Variants in ADAMTS17 observed in about 807,000 individuals in gnomAD.
The protein encoded by ADAMTS17 is A disintegrin and metalloproteinase with thrombospondin motifs 17.
ADAMTS17 carries 113 observed loss-of-function variants against 141.5 expected under a neutral mutation model. The ratio of observed to expected loss-of-function variants is 0.80; its 90% confidence interval spans 0.69 to 0.93. The LOEUF (loss-of-function observed/expected upper bound fraction) is 0.93. Among genes scored for constraint, ADAMTS17 ranks in the 40% least tolerant of loss-of-function variants. The probability of loss-of-function intolerance (pLI) is 0.00; values close to 1 mark genes in which losing one functional copy is unlikely to be tolerated. For missense variants in ADAMTS17, 1,659 were observed against 1,517.9 expected (o/e 1.09, Z -1.54); for synonymous variants, 768 against 630.6 (o/e 1.22, Z -3.27).
intron 7 of ADAMTS17, among the ~76,000 whole-genome samples, chr15:100,233,126 C>A (rs1268385155): frequency 6.6e-6 from 1 of 152,114 alleles, no homozygotes; most frequent in Non-Finnish European, 1.5e-5. Context: ...GTCAGGAGCT[C>A]CAGACTAGTC....
At chr15:100,109,173 G>A in intron 13 of ADAMTS17, 57 bp from the exon 14 acceptor site, 2 of 1,560,446 alleles carry the variant, frequency 1.3e-6, no homozygotes, top group Non-Finnish European at 1.7e-6. Context: ...GGGCCATGCA[G>A]GGCACAGGTA....
Position 100,223,018 on chromosome 15 carries a change from C to T in ADAMTS17, c.1076-23595G>A, listed in dbSNP as rs76970426. Among the ~76,000 whole-genome samples, 53 of 152,332 alleles carry T rather than the reference C, an allele frequency of 3.5e-4. No homozygotes were observed. In the East Asian group the frequency reaches 8.3e-3, roughly 24 times the overall value. On this transcript the variant is annotated intron_variant, in intron 7 of 21. Coordinates refer to ENST00000268070, the MANE Select transcript of ADAMTS17 (RefSeq NM_139057.4). ...ACATTTCTTCCCTTGAAACACTCAG[C>T]GCTCTCACCCTATTTTCCATTTTCC... is the stretch of plus-strand genomic sequence containing the variant.
chr15:100,331,064 AAGG>A lies in ADAMTS17; in HGVS notation c.451-13_451-11del, dbSNP rs1437138530. 1.2e-6 allele frequency: 2 copies of A among 1,614,114 alleles called. No individual in the cohort carries two copies. The highest frequency in any genetic ancestry group is 8.5e-7 in the Non-Finnish European group (1 of 1,180,008). ...GCTGAATGAGGCCAACCTGTCCAGA[AAGG>A]AGAAGGAAACGCGATGTCGGTCATC... is the stretch of plus-strand genomic sequence containing the variant. On this transcript the variant is annotated splice_polypyrimidine_tract_variant and intron_variant, in intron 2 of 21. Coordinates refer to ENST00000268070, the MANE Select transcript of ADAMTS17 (RefSeq NM_139057.4).
intron 3 of ADAMTS17, among the ~76,000 whole-genome samples, chr15:100,302,696 G>C (rs2141822615): frequency 6.6e-6 from 1 of 152,304 alleles, no homozygotes; most frequent in East Asian, 1.9e-4. Flanking sequence ...ACCTTCTTTA[G>C]AGAACTATCT....
chr15:100,030,373 A>G (rs2030023386), intron 18 of ADAMTS17, among the ~76,000 whole-genome samples: 11 of 152,188 alleles, frequency 7.2e-5, no homozygotes, highest in Admixed American at 6.5e-4. Flanking sequence ...CTTCAGTGGT[A>G]TTTAAACCCA....
intron 15 of ADAMTS17, among the ~76,000 whole-genome samples, chr15:100,085,399 A>G (rs199918411): frequency 0.17 from 17,830 of 107,192 alleles, 2,640 homozygotes; most frequent in East Asian, 0.41. Flanking sequence ...GGAGAACGCA[A>G]CCAAGTTGGA....
intron 8 of ADAMTS17, among the ~76,000 whole-genome samples, chr15:100,198,076 G>A (rs762880838): frequency 6.6e-5 from 10 of 152,138 alleles, no homozygotes; most frequent in Admixed American, 2.0e-4. Context: ...TAATGTAGGC[G>A]ACAGGTTGAT....
intron 12 of ADAMTS17, among the ~76,000 whole-genome samples, chr15:100,122,797 C>A (rs2037515296): frequency 1.3e-5 from 2 of 152,150 alleles, no homozygotes; most frequent in Non-Finnish European, 2.9e-5. Flanking sequence ...TCCTCCTCAT[C>A]ATCTTCACAT....
intron 6 of ADAMTS17, among the ~76,000 whole-genome samples, chr15:100,259,068 AT>A (rs1300832614): frequency 4.6e-5 from 7 of 152,220 alleles, no homozygotes; most frequent in Non-Finnish European, 1.5e-5. Context: ...ACCATAAGCC[AT>A]TAATTATTTC....
chr15:100,018,362 T>C (rs946584653), intron 18 of ADAMTS17, among the ~76,000 whole-genome samples: 1 of 152,200 alleles, frequency 6.6e-6, no homozygotes, highest in Non-Finnish European at 1.5e-5. Context: ...TATCTCCCGA[T>C]ATGGGTTGGC....
At chr15:99,989,495 C>T (rs1353313380) in intron 20 of ADAMTS17, among the ~76,000 whole-genome samples, 1 of 152,226 alleles carries the variant, frequency 6.6e-6, no homozygotes, top group African/African-American at 2.4e-5. Context: ...GCTACCCTGC[C>T]TGTTACTGTG....
chr15:99,986,970 A>G (rs1235768974), intron 20 of ADAMTS17, among the ~76,000 whole-genome samples: 1 of 152,210 alleles, frequency 6.6e-6, no homozygotes, highest in Non-Finnish European at 1.5e-5. Context: ...TCCCTCATAC[A>G]CGACCCTGGT....
At chr15:100,050,038 G>A (rs2032018404) in intron 17 of ADAMTS17, among the ~76,000 whole-genome samples, 1 of 152,168 alleles carries the variant, frequency 6.6e-6, no homozygotes, top group Admixed American at 6.5e-5. Context: ...GCTCCCTGCT[G>A]GGTCTGTGTC....
chr15:100,006,058 T>A (rs2061031233), intron 18 of ADAMTS17, among the ~76,000 whole-genome samples: 1 of 152,142 alleles, frequency 6.6e-6, no homozygotes, highest in Non-Finnish European at 1.5e-5. Flanking sequence ...TCATATCAGA[T>A]CAGGGCCCAA....
Position 100,199,350 on chromosome 15 carries a change from C to T in ADAMTS17, c.1149G>A (p.Leu383=). ...CVLAEDNGLN[L]AFTIAHELGH... is the part of the protein sequence containing the mutation. ...CCAGCTCATGGGCGATGGTAAAGGC[C>T]AAATTGAGACCATTGTCTTCGGCAA... The change falls in exon 8 of 22, where the codon TTG becomes TTA. Residue 383 remains leucine, a synonymous_variant. Transcript: ENST00000268070. 3 of 1,614,180 alleles carry T rather than the reference C, an allele frequency of 1.9e-6. No homozygotes were observed. The highest frequency in any genetic ancestry group is 2.5e-6 in the Non-Finnish European group (3 of 1,180,042).
At chr15:100,067,112 G>C (rs1341738212) in intron 15 of ADAMTS17, among the ~76,000 whole-genome samples, 1 of 151,878 alleles carries the variant, frequency 6.6e-6, no homozygotes. Flanking sequence ...TATTGAGAAG[G>C]CAGCCATCCT....
At chr15:100,210,793 C>A (rs756604934) in intron 7 of ADAMTS17, among the ~76,000 whole-genome samples, 12 of 152,030 alleles carry the variant, frequency 7.9e-5, no homozygotes, top group Non-Finnish European at 1.5e-4. Context: ...TGGCTGAAAC[C>A]CCGTCTCTAC....
chr15:100,220,287 T>A (rs1441494095), intron 7 of ADAMTS17, among the ~76,000 whole-genome samples: 2 of 152,204 alleles, frequency 1.3e-5, no homozygotes, highest in Non-Finnish European at 2.9e-5. Flanking sequence ...GCCTCCTGTG[T>A]CTTTTTTGTT....
chr15:99,990,673 A>ATGGGAAGGTGGTAG (rs1337793592), intron 20 of ADAMTS17, among the ~76,000 whole-genome samples: 1 of 147,738 alleles, frequency 6.8e-6, no homozygotes. Context: ...TTGTGTTCTG[A>ATGGGAAGGTGGTAG]CTTGGGCTGA....
Sources: allele counts gnomAD v4.1 joint callset (sites outside exome capture counted in the v4.1 genomes callset), GRCh38; gene constraint gnomAD v4.1.1; transcripts MANE v1.5; gene names NCBI Gene and HGNC (gene_info 2026-07-23, HGNC 2026-07-21).